The following DSCAM variants were observed in gnomAD, a reference collection of about 807,000 sequenced individuals.
The protein encoded by DSCAM is DS cell adhesion molecule, also known as cell adhesion molecule DSCAM.
A neutral mutation model predicts 217.7 loss-of-function variants in DSCAM; 47 were observed. The ratio of observed to expected loss-of-function variants is 0.22; its 90% CI spans 0.17 to 0.28. The LOEUF (loss-of-function observed/expected upper bound fraction) is 0.28, where lower values mean the gene tolerates loss of function less well. Ranked by LOEUF, DSCAM falls within the 10% of genes least tolerant of loss-of-function variation. DSCAM has a pLI of 1.00. For synonymous variants in DSCAM, 1,056 were observed against 1,015.3 expected (o/e 1.04, Z -0.76); for missense variants, 2,080 against 2,618.3 (o/e 0.79, Z 4.49).
chr21:40,162,121 T>C (rs1292213466), intron 16 of DSCAM, among the ~76,000 whole-genome samples: 1 of 152,200 alleles, frequency 6.6e-6, no homozygotes, highest in Non-Finnish European at 1.5e-5. Flanking sequence ...TTCCTAGTAA[T>C]TAACTGGTTG....
intron 11 of DSCAM, among the ~76,000 whole-genome samples, chr21:40,205,616 A>AAG (rs1485067431): frequency 1.3e-5 from 2 of 151,790 alleles, no homozygotes; most frequent in African/African-American, 4.8e-5. Context: ...AAAAAAAAAA[A>AAG]AAAAAAGTGT....
At chr21:40,594,713 G>A (rs1034235370) in intron 3 of DSCAM, among the ~76,000 whole-genome samples, 76 of 146,960 alleles carry the variant, frequency 5.2e-4, no homozygotes, top group African/African-American at 1.8e-3. Context: ...TCAATAACTT[G>A]TATGTAGATA....
intron 16 of DSCAM, among the ~76,000 whole-genome samples, chr21:40,147,940 A>G (rs1332370401): frequency 6.6e-6 from 1 of 152,020 alleles, no homozygotes; most frequent in Non-Finnish European, 1.5e-5. Context: ...TTCTAAGTTT[A>G]TTTATTGAAC....
chr21:40,518,580 A>AT (rs2076332947), intron 3 of DSCAM, among the ~76,000 whole-genome samples: 1 of 88,326 alleles, frequency 1.1e-5, no homozygotes, highest in African/African-American at 5.8e-5. Flanking sequence ...ATACATACAC[A>AT]CACATATACA....
At chr21:40,527,344 A>C (rs2076408487) in intron 3 of DSCAM, among the ~76,000 whole-genome samples, 1 of 152,168 alleles carries the variant, frequency 6.6e-6, no homozygotes, top group South Asian at 2.1e-4. Context: ...GCATCTTTGT[A>C]TTTCACATTG....
At chr21:40,049,199 A>G (rs1186839990) in intron 30 of DSCAM, among the ~76,000 whole-genome samples, 4 of 152,192 alleles carry the variant, frequency 2.6e-5, no homozygotes, top group African/African-American at 9.6e-5. Context: ...CCCCAGGGAC[A>G]GCATCTCAGC....
At chr21:40,773,447 C>T (rs2091463378) in intron 1 of DSCAM, among the ~76,000 whole-genome samples, 1 of 152,194 alleles carries the variant, frequency 6.6e-6, no homozygotes, top group Non-Finnish European at 1.5e-5. Flanking sequence ...TCTCCTCTCT[C>T]TTAGAAGGAC....
chr21:40,221,186 T>G (rs2091286174), intron 11 of DSCAM, among the ~76,000 whole-genome samples: 1 of 151,960 alleles, frequency 6.6e-6, no homozygotes, highest in South Asian at 2.1e-4. Flanking sequence ...AAGAGTTGAG[T>G]AGAGTGAAAC....
At chr21:40,535,983 C>T (rs551213733) in intron 3 of DSCAM, among the ~76,000 whole-genome samples, 112 of 152,290 alleles carry the variant, frequency 7.4e-4, no homozygotes, top group Middle Eastern at 3.4e-3. Flanking sequence ...GTGGCCAATT[C>T]TCAAGGCAAA....
At chr21:40,567,201 T>G (rs975577286) in intron 3 of DSCAM, among the ~76,000 whole-genome samples, 5 of 152,208 alleles carry the variant, frequency 3.3e-5, no homozygotes, top group African/African-American at 1.2e-4. Flanking sequence ...CCAAAACGTA[T>G]CCTGGTTTCA....
chr21:40,656,565 T>C (rs1601826572), intron 3 of DSCAM, among the ~76,000 whole-genome samples: 2 of 152,266 alleles, frequency 1.3e-5, no homozygotes, highest in East Asian at 3.9e-4. Context: ...CGGTATGTTC[T>C]CCTCTCTTAA....
chr21:40,057,023 C>T (rs1249381149), intron 28 of DSCAM, among the ~76,000 whole-genome samples: 1 of 152,162 alleles, frequency 6.6e-6, no homozygotes, highest in Admixed American at 6.5e-5. Flanking sequence ...ACTCAAGTAC[C>T]CCCTTAGATG....
intron 3 of DSCAM, among the ~76,000 whole-genome samples, chr21:40,676,693 T>G (rs2090344019): frequency 6.6e-6 from 1 of 152,168 alleles, no homozygotes; most frequent in Non-Finnish European, 1.5e-5. Context: ...ACACAGAATT[T>G]ACTGACCTTG....
intron 1 of DSCAM, among the ~76,000 whole-genome samples, chr21:40,828,005 G>A (rs543415482): frequency 1.3e-5 from 2 of 152,306 alleles, no homozygotes; most frequent in Non-Finnish European, 2.9e-5. Flanking sequence ...TGACAAGATG[G>A]GAGGTGGTGG....
chr21:40,601,365 A>G (rs2077060681), intron 3 of DSCAM, among the ~76,000 whole-genome samples: 1 of 152,208 alleles, frequency 6.6e-6, no homozygotes. Context: ...TTAGTCTTGT[A>G]TCCTGCAACC....
At chr21:40,663,598 C>T (rs79340267) in intron 3 of DSCAM, among the ~76,000 whole-genome samples, 2,168 of 152,224 alleles carry the variant, frequency 0.014, 67 homozygotes, top group African/African-American at 0.049. Context: ...CATGGTGACT[C>T]GTTCACAGAT....
intron 11 of DSCAM, among the ~76,000 whole-genome samples, chr21:40,226,853 T>G (rs2091337470): frequency 6.6e-6 from 1 of 152,162 alleles, no homozygotes; most frequent in Admixed American, 6.5e-5. Context: ...ATCCAGGTAT[T>G]AAGCCTAGTA....
chr21:40,311,960 T>TTTTTTTTAAA, intron 9 of DSCAM, 121 bp downstream of exon 9: 1 of 321,026 alleles, frequency 3.1e-6, no homozygotes, highest in Non-Finnish European at 4.8e-6. Context: ...TTTTTTTTTT[T>TTTTTTTTAAA]AGTGAGATAA....
rs866538405 is a variant in DSCAM, at chr21:40,364,597, G to A, written c.655+4502C>T. Among the ~76,000 whole-genome samples the A allele has an allele frequency of 5.9e-5, 9 of 151,302 alleles. No individual in the cohort carries two copies. In the South Asian group the frequency reaches 1.9e-3, roughly 32 times the overall value. On this transcript the variant is annotated intron_variant, in intron 4 of 32. Transcript: ENST00000400454. ...AATGTTAAATGACGAGTTAATGGGT[G>A]CAGCACACCAACATGGCACATATAT...
Sources: allele counts gnomAD v4.1 joint callset (sites outside exome capture counted in the v4.1 genomes callset), GRCh38; gene constraint gnomAD v4.1.1; transcripts MANE v1.5; gene names NCBI Gene and HGNC (gene_info 2026-07-23, HGNC 2026-07-21).